Variants in KSR2 observed in about 807,000 individuals in gnomAD.
The protein encoded by KSR2 is kinase suppressor of ras 2.
A neutral mutation model predicts 107.8 loss-of-function variants in KSR2; 25 were observed. That is an observed-to-expected ratio of 0.23 (90% CI 0.17 to 0.32). The LOEUF is 0.32. KSR2 is among the 10% of genes least tolerant of loss of function. KSR2 has a pLI of 1.00. For synonymous variants in KSR2, 480 were observed against 507.0 expected (o/e 0.95, Z 0.71); for missense variants, 887 against 1,268.9 (o/e 0.70, Z 4.57).
chr12:117,849,511 T>C (rs370488454), intron 3 of KSR2, among the ~76,000 whole-genome samples: 4 of 152,354 alleles, frequency 2.6e-5, no homozygotes, highest in Admixed American at 1.3e-4. Flanking sequence ...GCTAAATGAA[T>C]GAATGAGTAT....
intron 6 of KSR2, among the ~76,000 whole-genome samples, chr12:117,580,729 T>C (rs995532102): frequency 2.0e-5 from 3 of 152,290 alleles, no homozygotes; most frequent in Non-Finnish European, 4.4e-5. Context: ...TTCCCTCCTC[T>C]GGGCATCAGC....
chr12:117,800,387 C>CG (rs368859364), intron 3 of KSR2, among the ~76,000 whole-genome samples: 3 of 151,754 alleles, frequency 2.0e-5, no homozygotes, highest in East Asian at 1.9e-4. Context: ...TCTGCCCCCC[C>CG]CAAAGCCTAA....
In KSR2 at chr12:117,476,593, C is replaced by G. The variant is rs568149754; in HGVS notation, c.2453G>C (p.Arg818Pro). 1.9e-6 allele frequency: 3 copies of G among 1,609,692 alleles called. No homozygotes were observed. In the Admixed American group the frequency reaches 5.0e-5, roughly 27 times the overall value. ...ATTCTGGATGCGCAGTTTGTCCTCC[C>G]GCCTGGAGAAGCAAAGCACAGGATG... ...SISGVLQAGRREDKLRIQNGW... is the reference protein window; with the variant it reads ...SISGVLQAGRPEDKLRIQNGW... The change falls in exon 17 of 20, where the codon CGG (arginine) becomes CCG (proline). Residue 818 changes from arginine (R) to proline (P), a missense_variant and splice_region_variant. Arg to Pro is a moderately radical substitution (Grantham distance 103). Transcript: ENST00000339824.
chr12:117,963,606 A>AC (rs1172019066), intron 1 of KSR2, among the ~76,000 whole-genome samples: 5 of 151,956 alleles, frequency 3.3e-5, no homozygotes, highest in African/African-American at 7.3e-5. Context: ...CTGCCTCAAA[A>AC]AAAACAAAAC....
At chr12:117,946,562 A>T (rs1896184577) in intron 1 of KSR2, among the ~76,000 whole-genome samples, 1 of 152,216 alleles carries the variant, frequency 6.6e-6, no homozygotes. Context: ...AATCCTAAAA[A>T]CATTAAAGAA....
At chr12:117,820,823 G>A (rs2137078045) in intron 3 of KSR2, among the ~76,000 whole-genome samples, 1 of 152,164 alleles carries the variant, frequency 6.6e-6, no homozygotes, top group South Asian at 2.1e-4. Context: ...AGTATTAGAA[G>A]CCTACATGTG....
chr12:117,901,865 G>A (rs1018951224), intron 1 of KSR2, among the ~76,000 whole-genome samples: 2 of 152,100 alleles, frequency 1.3e-5, no homozygotes, highest in Non-Finnish European at 2.9e-5. Flanking sequence ...ATAGTCATTT[G>A]TTTAACTGTA....
At chr12:117,719,221 C>T (rs1346525626) in intron 4 of KSR2, among the ~76,000 whole-genome samples, 1 of 152,102 alleles carries the variant, frequency 6.6e-6, no homozygotes. Context: ...GGTCTTTCCC[C>T]CCCTCCACCC....
chr12:117,568,704 C>G (rs566555589), intron 7 of KSR2, among the ~76,000 whole-genome samples: 1 of 152,092 alleles, frequency 6.6e-6, no homozygotes, highest in African/African-American at 2.4e-5. Context: ...GGTGAGCCCC[C>G]AATACATGAT....
At chr12:117,901,631 GCAAAAAAGA>G (rs559436712) in intron 1 of KSR2, among the ~76,000 whole-genome samples, 53 of 151,562 alleles carry the variant, frequency 3.5e-4, no homozygotes, top group African/African-American at 1.2e-3. Flanking sequence ...AAATTAAAAC[GCAAAAAAGA>G]AAAAAAATTA....
chr12:117,693,048 G>A (rs188868609), intron 4 of KSR2, among the ~76,000 whole-genome samples: 6 of 152,164 alleles, frequency 3.9e-5, no homozygotes, highest in Non-Finnish European at 8.8e-5. Context: ...TCGATCTCAC[G>A]TTATGTGAAT....
intron 3 of KSR2, among the ~76,000 whole-genome samples, chr12:117,793,344 A>C (rs1242744302): frequency 4.2e-5 from 6 of 142,270 alleles, no homozygotes; most frequent in African/African-American, 1.6e-4. Flanking sequence ...CATACACACC[A>C]GCATGCACAC....
At chr12:117,939,210 T>C (rs892136424) in intron 1 of KSR2, among the ~76,000 whole-genome samples, 1 of 152,344 alleles carries the variant, frequency 6.6e-6, no homozygotes, top group African/African-American at 2.4e-5. Flanking sequence ...ACAATAGCAC[T>C]GGTTGTGCTT....
chr12:117,860,652 G>A (rs1407746865), intron 1 of KSR2, among the ~76,000 whole-genome samples: 2 of 152,106 alleles, frequency 1.3e-5, no homozygotes, highest in African/African-American at 4.8e-5. Context: ...TGGGGGAGGC[G>A]GCGCACATTA....
intron 5 of KSR2, among the ~76,000 whole-genome samples, chr12:117,666,925 T>C (rs1287712908): frequency 1.3e-5 from 2 of 152,164 alleles, no homozygotes; most frequent in Non-Finnish European, 2.9e-5. Context: ...ATAACCACCC[T>C]GTCTCCAGCA....
At position 117,749,766 on chromosome 12, in the gene KSR2, T is replaced by C. The variant is rs537182974; in HGVS notation, c.986+11245A>G. Among the ~76,000 whole-genome samples, 17 of 152,330 alleles carry C rather than the reference T, an allele frequency of 1.1e-4. 1 individual carries two copies. In the South Asian group the frequency reaches 2.3e-3, roughly 20 times the overall value. On this transcript the variant is annotated intron_variant, in intron 4 of 19. Transcript: ENST00000339824. ...TAAACATATTTTAAATGAGCCTTAC[T>C]GGACTGAATCTCTCATCACAGGCCT...
At chr12:117,543,342 G>A (rs989078565) in intron 9 of KSR2, among the ~76,000 whole-genome samples, 1 of 152,168 alleles carries the variant, frequency 6.6e-6, no homozygotes, top group Non-Finnish European at 1.5e-5. Context: ...ATATCTCATT[G>A]TGCTTTAATT....
Position 117,679,389 on chromosome 12 carries a change from C to T in KSR2, c.987-11731G>A, listed in dbSNP as rs76364984. Among the ~76,000 whole-genome samples the T allele has an allele frequency of 6.3e-3, 963 of 152,242 alleles. 23 individuals are homozygous for T. The East Asian group carries it at 0.075, about 12-fold the overall frequency. On this transcript the variant is annotated intron_variant, in intron 4 of 19. Transcript: ENST00000339824. ...GAAATTGAAGTTCAGAGAGGTTATGCGGCACTTGGTTAAAAATTCAGCACA... is the reference window on the plus strand; with the variant it reads ...GAAATTGAAGTTCAGAGAGGTTATGTGGCACTTGGTTAAAAATTCAGCACA...
rs377162427 is a variant in KSR2 at position 117,791,240 on chromosome 12, C to CTTCAGGAGCTTGCTTCCTG, written c.473-29735_473-29717dup. Among the ~76,000 whole-genome samples, 495 of 152,302 alleles carry CTTCAGGAGCTTGCTTCCTG rather than the reference C, an allele frequency of 3.3e-3. 5 individuals are homozygous for CTTCAGGAGCTTGCTTCCTG. Among genetic ancestry groups the CTTCAGGAGCTTGCTTCCTG allele is most frequent in the African/African-American group, 0.011 (468 of 41,558 alleles). ...ATCTGCAAAGCTCTTCCTCCAGATC[C>CTTCAGGAGCTTGCTTCCTG]TTCAGGAGCTTGCTTCCTGTCACAC... On this transcript the variant is annotated intron_variant, in intron 3 of 19. Transcript: ENST00000339824.
Sources: gnomAD v4.1 joint callset for allele counts (sites outside exome capture counted in the v4.1 genomes callset) on GRCh38, gnomAD v4.1.1 for gene constraint, MANE v1.5 for transcripts, NCBI Gene and HGNC (gene_info 2026-07-23, HGNC 2026-07-21) for gene names.